The following ULK4 variants were observed in gnomAD, a reference collection of about 807,000 sequenced individuals.
ULK4 encodes inactive serine/threonine-protein kinase ULK4.
In ULK4, 133 loss-of-function variants were observed where a neutral mutation model predicts 160.6. The observed-to-expected ratio is 0.83, with a 90% CI of 0.72 to 0.96. The LOEUF (loss-of-function observed/expected upper bound fraction) is 0.96. Ranked by LOEUF, ULK4 falls within the 40% of genes least tolerant of loss-of-function variation. ULK4 has a pLI of 0.00. For missense variants in ULK4, 1,580 were observed against 1,499.5 expected (o/e 1.05, Z -0.89); for synonymous variants, 534 against 539.8 (o/e 0.99, Z 0.15).
chr3:41,641,446 C>T (rs933225179), intron 30 of ULK4, among the ~76,000 whole-genome samples: 99 of 152,254 alleles, frequency 6.5e-4, no homozygotes, highest in African/African-American at 2.1e-3. Context: ...ACTGCAATCC[C>T]AGCACTTTGG....
intron 35 of ULK4, among the ~76,000 whole-genome samples, chr3:41,372,381 AG>A (rs1412669375): frequency 6.6e-6 from 1 of 152,190 alleles, no homozygotes; most frequent in African/African-American, 2.4e-5. Context: ...AAAAATGTTA[AG>A]GGGAGCCAGA....
intron 34 of ULK4, among the ~76,000 whole-genome samples, chr3:41,445,786 G>A (rs950907121): frequency 3.3e-5 from 5 of 152,044 alleles, no homozygotes; most frequent in African/African-American, 1.2e-4. Flanking sequence ...AGAAAACCTA[G>A]GCAATACCAT....
At chr3:41,296,576 A>C (rs1044005746) in intron 35 of ULK4, among the ~76,000 whole-genome samples, 7 of 152,162 alleles carry the variant, frequency 4.6e-5, no homozygotes, top group Admixed American at 3.9e-4. Context: ...TGGAAAAAGA[A>C]TTATTCCTGA....
chr3:41,871,757 A>G (rs1206135237), intron 17 of ULK4, among the ~76,000 whole-genome samples: 2 of 152,190 alleles, frequency 1.3e-5, no homozygotes, highest in African/African-American at 4.8e-5. Flanking sequence ...TAGCTTGTAA[A>G]TATTTTCTCC....
intron 35 of ULK4, among the ~76,000 whole-genome samples, chr3:41,395,793 T>C (rs1445867997): frequency 3.9e-5 from 6 of 152,122 alleles, no homozygotes; most frequent in Admixed American, 3.9e-4. Context: ...CTATATACAT[T>C]TTACCACAAT....
chr3:41,636,599 GTTGT>G (rs1313985529), intron 30 of ULK4, among the ~76,000 whole-genome samples: 1 of 151,382 alleles, frequency 6.6e-6, no homozygotes, highest in African/African-American at 2.4e-5. Context: ...TATTTTTATT[GTTGT>G]TTTTTTTTAA....
At chr3:41,266,497 G>A (rs751575224) in intron 35 of ULK4, among the ~76,000 whole-genome samples, 1 of 152,102 alleles carries the variant, frequency 6.6e-6, no homozygotes, top group African/African-American at 2.4e-5. Flanking sequence ...CTCCCTCCCA[G>A]TCCAGGTGAG....
chr3:41,899,826 AAAG>A (rs1315348852), intron 13 of ULK4, among the ~76,000 whole-genome samples: 2 of 152,214 alleles, frequency 1.3e-5, no homozygotes, highest in Non-Finnish European at 2.9e-5. Flanking sequence ...GAACTCACAA[AAAG>A]AAGTAGCTCC....
chr3:41,460,901 T>A (rs1346965678), intron 33 of ULK4, among the ~76,000 whole-genome samples: 2 of 152,150 alleles, frequency 1.3e-5, no homozygotes, highest in African/African-American at 4.8e-5. Flanking sequence ...GTGCAGTAAC[T>A]TGCCCGAGGT....
At chr3:41,383,156 T>C (rs112835512) in intron 35 of ULK4, among the ~76,000 whole-genome samples, 7,702 of 151,530 alleles carry the variant, frequency 0.051, 649 homozygotes, top group African/African-American at 0.17. Flanking sequence ...TGGAGTGCAA[T>C]GGCGCAATCT....
intron 18 of ULK4, among the ~76,000 whole-genome samples, chr3:41,827,117 C>A (rs1219424876): frequency 1.4e-5 from 2 of 145,872 alleles, no homozygotes; most frequent in African/African-American, 2.6e-5. Flanking sequence ...CCAACGAGAA[C>A]AAAGACACAA....
At chr3:41,352,513 C>T (rs1179498617) in intron 35 of ULK4, among the ~76,000 whole-genome samples, 1 of 152,224 alleles carries the variant, frequency 6.6e-6, no homozygotes, top group Admixed American at 6.5e-5. Flanking sequence ...TGTCAACCTA[C>T]TGCTTTCCTT....
intron 32 of ULK4, 120 bp from the exon 33 acceptor site, chr3:41,463,373 A>G (rs2083742941): frequency 3.1e-6 from 3 of 961,018 alleles, no homozygotes; most frequent in African/African-American, 1.6e-5. Flanking sequence ...TACTTAAACT[A>G]TACTCTTATC....
intron 35 of ULK4, among the ~76,000 whole-genome samples, chr3:41,257,365 C>T (rs2078853860): frequency 6.6e-6 from 1 of 152,138 alleles, no homozygotes; most frequent in Admixed American, 6.5e-5. Context: ...GACACAGTGG[C>T]TAACACCTGT....
Position 41,455,456 on chromosome 3 carries a change from A to G in ULK4, c.3492+41T>C, listed in dbSNP as rs780807960. ...AGGAAATTCAAATAAAATTACTTCA[A>G]CTTCAGTAATGCCCCAAAAGACATA... On this transcript the variant is annotated intron_variant, in intron 34 of 36. Transcript: ENST00000301831. The G allele has an allele frequency of 5.2e-6, 8 of 1,535,884 alleles. No homozygotes were observed. In the Admixed American group the frequency reaches 1.3e-4, roughly 25 times the overall value.
intron 35 of ULK4, among the ~76,000 whole-genome samples, chr3:41,308,791 G>A (rs1378928190): frequency 6.6e-6 from 1 of 151,736 alleles, no homozygotes; most frequent in Non-Finnish European, 1.5e-5. Context: ...GATTAGACAT[G>A]CTCAAGCCAT....
At chr3:41,947,547 C>CA (rs1226219132) in intron 2 of ULK4, among the ~76,000 whole-genome samples, 7 of 152,156 alleles carry the variant, frequency 4.6e-5, no homozygotes, top group Non-Finnish European at 1.0e-4. Context: ...TCCAACAGAT[C>CA]TGAACCAACT....
intron 32 of ULK4, among the ~76,000 whole-genome samples, chr3:41,501,197 A>G (rs928988793): frequency 2.9e-5 from 2 of 69,404 alleles, no homozygotes; most frequent in African/African-American, 7.3e-5. Context: ...GTCAGTTTTT[A>G]AAAAAGTAAT....
At chr3:41,354,357 G>T (rs2080986777) in intron 35 of ULK4, among the ~76,000 whole-genome samples, 1 of 152,102 alleles carries the variant, frequency 6.6e-6, no homozygotes, top group African/African-American at 2.4e-5. Context: ...TGAATAACGT[G>T]ACAGGGGCTT....
Sources: gnomAD v4.1 joint callset for allele counts (sites outside exome capture counted in the v4.1 genomes callset) on GRCh38, gnomAD v4.1.1 for gene constraint, MANE v1.5 for transcripts, NCBI Gene and HGNC (gene_info 2026-07-23, HGNC 2026-07-21) for gene names.